ASCC3: variants seen among roughly 807,000 people sequenced by gnomAD.
ASCC3 encodes ASC-1 complex subunit P200.
Under a neutral mutation model 256.3 loss-of-function variants are expected in ASCC3, and 158 were observed. That is an observed-to-expected ratio of 0.62 (90% CI 0.54 to 0.70). The LOEUF (loss-of-function observed/expected upper bound fraction) is 0.70, where lower values mean the gene tolerates loss of function less well. Ranked by LOEUF, ASCC3 falls within the 30% of genes least tolerant of loss-of-function variation. The probability of loss-of-function intolerance (pLI) is 0.00; values close to 1 mark genes in which losing one functional copy is unlikely to be tolerated. For synonymous variants in ASCC3, 948 were observed against 883.4 expected (o/e 1.07, Z -1.30); for missense variants, 2,259 against 2,626.0 (o/e 0.86, Z 3.05).
intron 24 of ASCC3, among the ~76,000 whole-genome samples, chr6:100,641,055 A>G (rs181347979): frequency 6.6e-6 from 1 of 152,342 alleles, no homozygotes; most frequent in Non-Finnish European, 1.5e-5. Flanking sequence ...AAAAGAAGAA[A>G]TAAACTTATT....
Position 100,650,617 on chromosome 6 carries a change from T to C in ASCC3, c.3173A>G (p.Asn1058Ser). Residue 1058 changes from asparagine to serine, a missense_variant, in exon 20 of 42, where the codon AAC becomes AGC. By Grantham distance (46) the Asn-to-Ser change is conservative. This residue lies in a region of ASCC3 where 1,839 missense variants were observed against 2,206.7 expected (regional missense o/e 0.83). Transcript: ENST00000369162. ...GGVENSYGKI[N>S]ILLQTYISRG... ...GCTGATATAAGTTTGAAGTAAGATG[T>C]TTATTTTCCCATAACTATTCTCTAC... 1.2e-6 allele frequency: 2 copies of C among 1,612,836 alleles called. No individual in the cohort carries two copies. Among genetic ancestry groups the C allele is most frequent in the Non-Finnish European group, 1.7e-6 (2 of 1,179,122 alleles).
In ASCC3 at chr6:100,652,798, C is replaced by T. The variant is rs878864888; in HGVS notation, c.2915G>A (p.Arg972Gln). 1.2e-6 allele frequency: 2 copies of T among 1,613,862 alleles called. No individual in the cohort carries two copies. The highest frequency in any genetic ancestry group is 1.1e-5 in the South Asian group (1 of 91,076). The change falls in exon 18 of 42, where the codon CGA becomes CAA. Residue 972 changes from arginine to glutamine, a missense_variant. Physicochemically the swap from Arg to Gln is conservative, Grantham distance 43. Coordinates refer to ENST00000369162, the MANE Select transcript of ASCC3 (RefSeq NM_006828.4). Reference sequence around the variant, plus strand: ...ATCAGTTGAGGAAAAATATCCAGTTCGCTCCTCAAAACGAATCATCTGAGC... The same window carrying T: ...ATCAGTTGAGGAAAAATATCCAGTTTGCTCCTCAAAACGAATCATCTGAGC... ...DKAQMIRFEE[R>Q]TGYFSSTDLG...
At chr6:100,874,339 A>G (rs705606) in intron 1 of ASCC3, among the ~76,000 whole-genome samples, 109,056 of 151,428 alleles carry the variant, frequency 0.72, 39,524 homozygotes, top group African/African-American at 0.76. Flanking sequence ...GGTGGTGCGC[A>G]CCTGTAGTCC....
At chr6:100,725,433 T>C (rs376158584) in intron 11 of ASCC3, 106 bp downstream of exon 11, 46 of 1,199,820 alleles carry the variant, frequency 3.8e-5, no homozygotes, top group Middle Eastern at 2.0e-4. Context: ...ATTATGTCAA[T>C]ATTAGATTTA....
intron 29 of ASCC3, among the ~76,000 whole-genome samples, chr6:100,626,317 C>A (rs778529102): frequency 1.3e-5 from 2 of 151,940 alleles, no homozygotes; most frequent in African/African-American, 4.8e-5. Flanking sequence ...GAAATGTGAG[C>A]TGCAGAATTT....
chr6:100,683,073 A>T (rs926382606), intron 13 of ASCC3, among the ~76,000 whole-genome samples: 1 of 152,174 alleles, frequency 6.6e-6, no homozygotes, highest in African/African-American at 2.4e-5. Flanking sequence ...ATTAAAAGGT[A>T]AAATAAATAA....
At chr6:100,532,413 T>A (rs867772714) in intron 37 of ASCC3, among the ~76,000 whole-genome samples, 1,677 of 117,136 alleles carry the variant, frequency 0.014, 18 homozygotes, top group East Asian at 0.1. Context: ...TATATTTTTT[T>A]TTTTTTTTTT....
At chr6:100,837,206 CAA>C (rs928904269) in intron 4 of ASCC3, among the ~76,000 whole-genome samples, 1 of 151,588 alleles carries the variant, frequency 6.6e-6, no homozygotes, top group African/African-American at 2.4e-5. Context: ...TTGCTGTTAC[CAA>C]AAAGACAAAA....
intron 33 of ASCC3, among the ~76,000 whole-genome samples, chr6:100,605,240 T>C (rs1288280475): frequency 6.6e-6 from 1 of 152,162 alleles, no homozygotes; most frequent in Non-Finnish European, 1.5e-5. Context: ...CATCTCCATT[T>C]TACAATAGGT....
intron 4 of ASCC3, among the ~76,000 whole-genome samples, chr6:100,835,835 T>C (rs1464357516): frequency 6.6e-6 from 1 of 152,162 alleles, no homozygotes; most frequent in Non-Finnish European, 1.5e-5. Flanking sequence ...TAGATCACTT[T>C]AGGAGTATAC....
At chr6:100,522,704 T>A (rs1213700955) in intron 37 of ASCC3, among the ~76,000 whole-genome samples, 1 of 152,014 alleles carries the variant, frequency 6.6e-6, no homozygotes, top group Non-Finnish European at 1.5e-5. Context: ...TTAGGATGGA[T>A]GTTTGTTAAG....
At chr6:100,633,534 ACATTCTAT>A (rs1774663769) in intron 25 of ASCC3, among the ~76,000 whole-genome samples, 1 of 152,044 alleles carries the variant, frequency 6.6e-6, no homozygotes, top group African/African-American at 2.4e-5. Context: ...GTAAGAACAA[ACATTCTAT>A]CTGTGAAATC....
chr6:100,549,906 A>C (rs1056001410), intron 36 of ASCC3, among the ~76,000 whole-genome samples: 1 of 151,874 alleles, frequency 6.6e-6, no homozygotes, highest in Non-Finnish European at 1.5e-5. Context: ...AATTTGTAGA[A>C]GAGGAGAGAG....
intron 14 of ASCC3, among the ~76,000 whole-genome samples, chr6:100,675,358 T>C (rs1187472162): frequency 1.3e-5 from 2 of 152,172 alleles, no homozygotes; most frequent in Non-Finnish European, 2.9e-5. Context: ...TCCCTGCTAC[T>C]ACTAAGTCTG....
At chr6:100,664,218 T>C (rs1185968047) in intron 14 of ASCC3, among the ~76,000 whole-genome samples, 4 of 151,906 alleles carry the variant, frequency 2.6e-5, no homozygotes, top group Non-Finnish European at 4.4e-5. Flanking sequence ...CATGAGCTTC[T>C]TTTTGAACAG....
intron 36 of ASCC3, among the ~76,000 whole-genome samples, chr6:100,560,238 AT>A (rs764300111): frequency 1.3e-5 from 2 of 152,296 alleles, no homozygotes; most frequent in South Asian, 4.2e-4. Context: ...ATTTAGAGAT[AT>A]CAATATTTTG....
chr6:100,802,188 G>A (rs1352394520), intron 5 of ASCC3, among the ~76,000 whole-genome samples: 9 of 151,864 alleles, frequency 5.9e-5, no homozygotes, highest in Non-Finnish European at 1.3e-4. Context: ...TTAAATGTAT[G>A]GTTCTCCTTG....
intron 39 of ASCC3, among the ~76,000 whole-genome samples, chr6:100,514,848 C>T (rs941137844): frequency 6.6e-6 from 1 of 152,120 alleles, no homozygotes; most frequent in Non-Finnish European, 1.5e-5. Flanking sequence ...ACTGCTTTTT[C>T]TCATTACTAC....
chr6:100,647,344 A>C lies in ASCC3; in HGVS notation c.3360T>G (p.Leu1120=). Residue 1120 remains leucine (L), a synonymous_variant, in exon 21 of 42, where the codon CTT becomes CTG. Transcript: ENST00000369162. The part of the protein sequence containing the change: ...LNLSKVIDKR[L]WGWASPLRQF... ...GTCTCAAAGGGCTAGCCCAACCCCAAAGCCTCTTGTCAATGACTTTACTAA... is the reference window on the plus strand; with the variant it reads ...GTCTCAAAGGGCTAGCCCAACCCCACAGCCTCTTGTCAATGACTTTACTAA... 6.2e-7 allele frequency: 1 copy of C among 1,613,904 alleles called. No homozygotes were observed. Among genetic ancestry groups the C allele is most frequent in the South Asian group, 1.1e-5 (1 of 91,072 alleles).
Sources: allele counts gnomAD v4.1 joint callset (sites outside exome capture counted in the v4.1 genomes callset), GRCh38; gene constraint gnomAD v4.1.1; regional missense constraint gnomAD v4.1.1; transcripts MANE v1.5; gene names NCBI Gene and HGNC (gene_info 2026-07-23, HGNC 2026-07-21).